Variants in FBN1 observed in about 807,000 individuals in gnomAD.
The protein encoded by FBN1 is fibrillin-1.
In FBN1, 29 loss-of-function variants were observed where a neutral mutation model predicts 365.1. The ratio of observed to expected loss-of-function variants is 0.08; its 90% confidence interval spans 0.06 to 0.11. The LOEUF (loss-of-function observed/expected upper bound fraction) is 0.11. Among genes scored for constraint, FBN1 ranks in the 10% least tolerant of loss-of-function variants. FBN1 has a pLI of 1.00. For synonymous variants in FBN1, 1,210 were observed against 1,270.5 expected (o/e 0.95, Z 1.01); for missense variants, 2,476 against 3,703.2 (o/e 0.67, Z 8.60).
chr15:48,452,345 T>G (rs905186787), intron 45 of FBN1, among the ~76,000 whole-genome samples: 3 of 152,262 alleles, frequency 2.0e-5, no homozygotes, highest in African/African-American at 7.2e-5. Flanking sequence ...CTTCTTGTTT[T>G]GAAAATATCT....
At chr15:48,519,579 G>A (rs979606075) in intron 10 of FBN1, among the ~76,000 whole-genome samples, 10 of 152,262 alleles carry the variant, frequency 6.6e-5, no homozygotes, top group Non-Finnish European at 1.0e-4. Context: ...CAGGTACCTC[G>A]GGATATTCAT....
At chr15:48,505,986 G>A (rs1321121614) in intron 15 of FBN1, among the ~76,000 whole-genome samples, 1 of 152,186 alleles carries the variant, frequency 6.6e-6, no homozygotes, top group African/African-American at 2.4e-5. Context: ...ACTTTGGGAG[G>A]CTAAGGTGGG....
At chr15:48,448,681 A>G in intron 46 of FBN1, 87 bp downstream of exon 46, 1 of 1,290,232 alleles carries the variant, frequency 7.8e-7, no homozygotes. Context: ...TACTACTAAA[A>G]GACTTAGTAT....
chr15:48,509,580 A>G (rs983577093), intron 14 of FBN1, among the ~76,000 whole-genome samples: 1 of 148,316 alleles, frequency 6.7e-6, no homozygotes, highest in Non-Finnish European at 1.5e-5. Context: ...ATATATACAC[A>G]TATTACATAT....
intron 40 of FBN1, among the ~76,000 whole-genome samples, chr15:48,464,877 T>C (rs762288066): frequency 4.6e-5 from 7 of 152,220 alleles, no homozygotes; most frequent in Non-Finnish European, 1.0e-4. Context: ...CTGTGCCATA[T>C]ACACTGTGAT....
rs57915350 is a variant in FBN1, at chr15:48,547,721, TCACACACACACACACA to T, written c.539-9929_539-9914del. 3.3e-3 allele frequency among the ~76,000 whole-genome samples: 434 copies of T among 131,192 alleles called. 2 individuals are homozygous for T. The highest frequency in any genetic ancestry group is 0.012 in the South Asian group (42 of 3,560). The allele number at this position is 131,192 out of a possible 152,430, so 86.1% of individuals were successfully genotyped here. ...AGGTTGTTTGTATATCTTCTCTCTT[TCACACACACACACACA>T]CACACACACACACACACACACACAC... On this transcript the variant is annotated intron_variant, in intron 6 of 65. Coordinates refer to ENST00000316623, the MANE Select transcript of FBN1 (RefSeq NM_000138.5).
chr15:48,639,442 C>A (rs1230285063), intron 2 of FBN1, among the ~76,000 whole-genome samples: 1 of 152,112 alleles, frequency 6.6e-6, no homozygotes, highest in Non-Finnish European at 1.5e-5. Context: ...ATACCAGACC[C>A]CCTTTCCAGG....
At chr15:48,511,342 G>A (rs565378168) in intron 13 of FBN1, among the ~76,000 whole-genome samples, 5 of 150,768 alleles carry the variant, frequency 3.3e-5, no homozygotes, top group South Asian at 2.1e-4. Context: ...TTTCTCTCTC[G>A]TTTATTTCTT....
chr15:48,423,518 G>A (rs2141224197), intron 60 of FBN1, among the ~76,000 whole-genome samples: 1 of 152,338 alleles, frequency 6.6e-6, no homozygotes, highest in South Asian at 2.1e-4. Flanking sequence ...AGCTTGGCTG[G>A]AGCATCATGA....
At chr15:48,623,248 G>A (rs1349806177) in intron 2 of FBN1, among the ~76,000 whole-genome samples, 1 of 152,116 alleles carries the variant, frequency 6.6e-6, no homozygotes. Context: ...ATATGCCACC[G>A]ACATTAAAAT....
chr15:48,640,806 A>G (rs1430588543), intron 2 of FBN1, among the ~76,000 whole-genome samples: 1 of 152,208 alleles, frequency 6.6e-6, no homozygotes, highest in Non-Finnish European at 1.5e-5. Context: ...CTTTGACAGG[A>G]AACAGTAATA....
chr15:48,437,990 A>C (rs2043086431), intron 50 of FBN1, 73 bp from the exon 51 acceptor site: 1 of 1,471,506 alleles, frequency 6.8e-7, no homozygotes. Flanking sequence ...CAAATAAAGA[A>C]CAACCCACTA....
At chr15:48,548,262 T>C (rs532993751) in intron 6 of FBN1, among the ~76,000 whole-genome samples, 1 of 152,278 alleles carries the variant, frequency 6.6e-6, no homozygotes, top group Non-Finnish European at 1.5e-5. Context: ...ACTGGAAACA[T>C]ACAGATTTCG....
intron 6 of FBN1, among the ~76,000 whole-genome samples, chr15:48,584,997 C>T (rs1239082694): frequency 3.3e-5 from 5 of 152,142 alleles, no homozygotes; most frequent in Admixed American, 6.5e-5. Context: ...TTAACGTTCA[C>T]GAGTCTTAGT....
chr15:48,623,189 T>G (rs1889801468), intron 2 of FBN1, among the ~76,000 whole-genome samples: 1 of 152,224 alleles, frequency 6.6e-6, no homozygotes, highest in African/African-American at 2.4e-5. Context: ...GAAGTACAAT[T>G]AGCAAAGATT....
intron 53 of FBN1, among the ~76,000 whole-genome samples, chr15:48,436,183 C>T (rs1046739933): frequency 6.6e-6 from 1 of 152,090 alleles, no homozygotes; most frequent in Non-Finnish European, 1.5e-5. Context: ...AATCCCGATA[C>T]CATTGATCTT....
At chr15:48,560,003 A>G (rs1411774841) in intron 6 of FBN1, among the ~76,000 whole-genome samples, 2 of 152,170 alleles carry the variant, frequency 1.3e-5, no homozygotes, top group Admixed American at 6.6e-5. Flanking sequence ...CACATAATAA[A>G]GAGTTTTGAG....
At chr15:48,526,097 C>T (rs753244085) in intron 9 of FBN1, 33 bp downstream of exon 9, 2 of 1,613,732 alleles carry the variant, frequency 1.2e-6, no homozygotes, top group South Asian at 2.2e-5. Flanking sequence ...CTGACTTACA[C>T]AAACCATGCA....
Position 48,456,653 on chromosome 15 carries a change from C to T in FBN1, c.5406G>A (p.Lys1802=). The change falls in exon 44 of 66, where the codon AAG becomes AAA. Residue 1802 remains lysine, a synonymous_variant. Coordinates refer to ENST00000316623, the MANE Select transcript of FBN1 (RefSeq NM_000138.5). ...ECPVGFFYND[K]LLVCEDIDEC... is the part of the protein sequence containing the mutation. Reference sequence around the variant, plus strand: ...GCCACTTACCTTCACAAACCAACAACTTGTCATTATAGAAGAATCCCACTG... The same window carrying T: ...GCCACTTACCTTCACAAACCAACAATTTGTCATTATAGAAGAATCCCACTG... 1 of 1,613,956 alleles carries T rather than the reference C, an allele frequency of 6.2e-7. No homozygotes were observed. The highest frequency in any genetic ancestry group is 8.5e-7 in the Non-Finnish European group (1 of 1,179,900).
Sources: allele counts gnomAD v4.1 joint callset (sites outside exome capture counted in the v4.1 genomes callset), GRCh38; gene constraint gnomAD v4.1.1; transcripts MANE v1.5; gene names NCBI Gene and HGNC (gene_info 2026-07-23, HGNC 2026-07-21).